Variants in BEX2 observed in about 807,000 individuals in gnomAD.
BEX2 encodes the protein brain expressed X-linked 2.
BEX2 carries 2 observed loss-of-function variants against 4.1 expected under a neutral mutation model. The ratio of observed to expected loss-of-function variants is 0.49; its 90% confidence interval spans 0.20 to 1.53. BEX2 has a LOEUF of 1.53. Among genes scored for constraint, BEX2 ranks in the 40% most tolerant of loss-of-function variants. The pLI, the probability that BEX2 is intolerant of heterozygous loss-of-function variation, is 0.23. For missense variants in BEX2, 94 were observed against 99.9 expected (o/e 0.94, Z 0.25); for synonymous variants, 34 against 35.9 (o/e 0.95, Z 0.19).
intron 1 of BEX2, 113 bp downstream of exon 1, chrX:103,310,747 G>C (rs931664144): frequency 1.5e-6 from 1 of 671,887 alleles, no homozygotes; most frequent in Non-Finnish European, 2.1e-6. Flanking sequence ...GCGGGGCCCC[G>C]GGGCTGCATC....
chrX:103,310,495 C>T (rs1377459617), intron 1 of BEX2, 62 bp from the exon 2 acceptor site: 1 of 1,148,013 alleles, frequency 8.7e-7, no homozygotes, highest in Admixed American at 2.6e-5. Flanking sequence ...AGAGGACCCG[C>T]CGCCACCCGG....
intron 1 of BEX2, 178 bp downstream of exon 1, chrX:103,310,682 C>T (rs1024390740): frequency 8.6e-5 from 93 of 1,079,586 alleles, no homozygotes; most frequent in African/African-American, 2.0e-4. Context: ...CTCAGGATCG[C>T]CGGCTCCCGC....
intron 2 of BEX2, among the ~76,000 whole-genome samples, 176 bp downstream of exon 2, chrX:103,310,182 G>A (rs771418812): frequency 3.2e-4 from 35 of 109,582 alleles, no homozygotes; most frequent in Non-Finnish European, 5.5e-4. Context: ...CTCCCGCAAA[G>A]CCCACCATCT....
At chrX:103,310,086 A>C in intron 2 of BEX2, 105 bp from the exon 3 acceptor site, 10 of 984,944 alleles carry the variant, frequency 1.0e-5, no homozygotes, top group Non-Finnish European at 1.4e-5. Context: ...TGGATTTCAA[A>C]GGCCTTTTTT....
Position 103,309,698 on chromosome X carries a change from T to C in BEX2, c.279A>G (p.Arg93=), listed in dbSNP as rs774294181. ...ENMERIGEEV[R]QLMEKLREKQ... ...TTTCCCTCAGCTTTTCCATCAGCTG[T>C]CTCACCTCCTCCCCAATCCTTTCCA... Residue 93 remains arginine (R), a synonymous_variant, in exon 3 of 3, where the codon AGA becomes AGG. Coordinates refer to ENST00000372677, the MANE Select transcript of BEX2 (RefSeq NM_032621.4). 1.7e-6 allele frequency: 2 copies of C among 1,211,249 alleles called. No individual in the cohort carries two copies. The highest frequency in any genetic ancestry group is 2.2e-6 in the Non-Finnish European group (2 of 895,380).
chrX:103,309,620 G>T lies in BEX2; in HGVS notation c.357C>A (p.Asp119Glu), dbSNP rs1287092113. Reference sequence around the variant, plus strand: ...GCATAAGGCAAAACTCATCGTGATGGTCATGGTGAGGGGGATCAGTGCTGA... The same window carrying T: ...GCATAAGGCAAAACTCATCGTGATGTTCATGGTGAGGGGGATCAGTGCTGA... ...RAVSTDPPHHDHHDEFCLMP is the reference protein window; with the variant it reads ...RAVSTDPPHHEHHDEFCLMP The change falls in exon 3 of 3, where the codon GAC (aspartate) becomes GAA (glutamate). Residue 119 changes from aspartate to glutamate, a missense_variant. By Grantham distance (45) the Asp-to-Glu change is conservative. Coordinates refer to ENST00000372677, the MANE Select transcript of BEX2 (RefSeq NM_032621.4). The T allele has an allele frequency of 1.7e-5, 21 of 1,211,296 alleles. No individual in the cohort carries two copies. The highest frequency in any genetic ancestry group is 2.3e-5 in the Non-Finnish European group (21 of 895,429).
In BEX2 at chrX:103,310,841, C is replaced by A; in HGVS notation, c.-82+19G>T. 1 of 359,858 alleles carries A rather than the reference C, an allele frequency of 2.8e-6. No homozygotes were observed. Among genetic ancestry groups the A allele is most frequent in the Admixed American group, 5.6e-5 (1 of 17,943 alleles). The allele number at this position is 359,858 out of a possible 1,213,427, so 29.7% of individuals were successfully genotyped here. A position where few individuals can be genotyped will look rare whatever the true frequency, so the allele number is the denominator to read the frequency against. On this transcript the variant is annotated intron_variant, in intron 1 of 2. Coordinates refer to ENST00000372677, the MANE Select transcript of BEX2 (RefSeq NM_032621.4). ...TGCTCCCCCACACCAACCCCAGGGA[C>A]CCCCTCCGGGTCCCTTACCTGCTCC...
intron 1 of BEX2, 70 bp downstream of exon 1, chrX:103,310,790 G>A: frequency 2.1e-6 from 1 of 466,718 alleles, no homozygotes; most frequent in Non-Finnish European, 3.4e-6. Context: ...CTGCTGCCCG[G>A]GGATGGGGCA....
At position 103,309,905 on chromosome X, in the gene BEX2, T is replaced by C. The variant is rs1926137685; in HGVS notation, c.72A>G (p.Lys24=). 8.3e-7 allele frequency: 1 copy of C among 1,210,868 alleles called. No individual in the cohort carries two copies. Among genetic ancestry groups the C allele is most frequent in the Non-Finnish European group, 1.1e-6 (1 of 895,165 alleles). The change falls in exon 3 of 3, where the codon AAA becomes AAG. Residue 24 remains lysine, a synonymous_variant. Transcript: ENST00000372677. ...VENVNQENDE[K]DEKEQVANKG... ...TATTAGCAACTTGCTCCTTTTCATC[T>C]TTTTCATCATTTTCCTGGTTGACAT...
At position 103,310,962 on chromosome X, in the gene BEX2, G is replaced by C; in HGVS notation, c.-184C>G. The C allele has an allele frequency of 5.4e-6, 1 of 185,931 alleles. No individual in the cohort carries two copies. The highest frequency in any genetic ancestry group is 9.5e-6 in the Non-Finnish European group (1 of 105,447). The allele number at this position is 185,931 out of a possible 1,213,427, so 15.3% of individuals were successfully genotyped here. A position where few individuals can be genotyped will look rare whatever the true frequency, so the allele number is the denominator to read the frequency against. On this transcript the variant is annotated 5_prime_UTR_variant, in exon 1 of 3. Transcript: ENST00000372677. Reference sequence around the variant, plus strand: ...TGCCGAGAAGGGAGCGAGCGACGGCGGTTCTGACGCCACAACGAGGTAAGA... The same window carrying C: ...TGCCGAGAAGGGAGCGAGCGACGGCCGTTCTGACGCCACAACGAGGTAAGA...
In BEX2 at chrX:103,309,714, A is replaced by G; in HGVS notation, c.263T>C (p.Ile88Thr). The G allele has an allele frequency of 1.7e-6, 2 of 1,210,391 alleles. No homozygotes were observed. Among genetic ancestry groups the G allele is most frequent in the Non-Finnish European group, 2.2e-6 (2 of 895,121 alleles). The change falls in exon 3 of 3, where the codon ATT becomes ACT. Residue 88 changes from isoleucine to threonine, a missense_variant. Ile to Thr is a moderately conservative substitution (Grantham distance 89). Coordinates refer to ENST00000372677, the MANE Select transcript of BEX2 (RefSeq NM_032621.4). Reference sequence around the variant, plus strand: ...CATCAGCTGTCTCACCTCCTCCCCAATCCTTTCCATATTCTCCTCTCTCAT... The same window carrying G: ...CATCAGCTGTCTCACCTCCTCCCCAGTCCTTTCCATATTCTCCTCTCTCAT... ...ARMREENMER[I>T]GEEVRQLMEK...
intron 1 of BEX2, 153 bp downstream of exon 1, chrX:103,310,707 C>T: frequency 3.1e-6 from 3 of 964,347 alleles, no homozygotes; most frequent in Non-Finnish European, 4.2e-6. Context: ...CCGGGCACCC[C>T]TCCGCTCACA....
chrX:103,310,556 C>T (rs1364068527), intron 1 of BEX2, 123 bp from the exon 2 acceptor site: 3 of 1,153,077 alleles, frequency 2.6e-6, no homozygotes, highest in Non-Finnish European at 3.4e-6. Context: ...CGCCCCCCGC[C>T]TCAGCCGCCC....
In BEX2 at chrX:103,310,416, A is replaced by G. The variant is rs1263088907; in HGVS notation, c.-64T>C. ...TCTCGACGTGAGGTGCGTCGCCGCA[A>G]CACTTGGCCCCGCAAACCTGCAGAC... On this transcript the variant is annotated 5_prime_UTR_variant, in exon 2 of 3. Coordinates refer to ENST00000372677, the MANE Select transcript of BEX2 (RefSeq NM_032621.4). 8.6e-7 allele frequency: 1 copy of G among 1,156,618 alleles called. No homozygotes were observed. The highest frequency in any genetic ancestry group is 1.9e-5 in the South Asian group (1 of 52,735).
intron 2 of BEX2, 102 bp from the exon 3 acceptor site, chrX:103,310,083 C>T (rs1926144485): frequency 2.0e-6 from 2 of 988,340 alleles, no homozygotes; most frequent in Non-Finnish European, 2.7e-6. Context: ...CCCTGGATTT[C>T]AAAGGCCTTT....
At chrX:103,310,251 TGGG>T in intron 2 of BEX2, 104 bp downstream of exon 2, 1 of 844,547 alleles carries the variant, frequency 1.2e-6, no homozygotes, top group Non-Finnish European at 1.6e-6. Context: ...GAAGAAGGGG[TGGG>T]GGTGGGGGAT....
intron 1 of BEX2, 137 bp from the exon 2 acceptor site, chrX:103,310,570 C>G (rs781199713): frequency 1.5e-5 from 17 of 1,154,137 alleles, no homozygotes; most frequent in Middle Eastern, 2.3e-4. Context: ...GCCGCCCAGC[C>G]CCCCAAGCTG....
At chrX:103,310,699 G>C (rs1023814076) in intron 1 of BEX2, 161 bp downstream of exon 1, 25 of 998,738 alleles carry the variant, frequency 2.5e-5, no homozygotes, top group Non-Finnish European at 3.1e-5. Context: ...CCGCGGGGCC[G>C]GGCACCCCTC....
chrX:103,309,669 T>C lies in BEX2; in HGVS notation c.308A>G (p.Gln103Arg). 1.7e-6 allele frequency: 2 copies of C among 1,211,464 alleles called. No homozygotes were observed. The highest frequency in any genetic ancestry group is 3.5e-5 in the South Asian group (2 of 56,958). ...GACTGCCCGCAAACTATGACTCAAC[T>C]GCTTTTCCCTCAGCTTTTCCATCAG... is the stretch of plus-strand genomic sequence containing the variant. ...RQLMEKLREK[Q>R]LSHSLRAVST... The change falls in exon 3 of 3, where the codon CAG (glutamine) becomes CGG (arginine). Residue 103 changes from glutamine to arginine, a missense_variant. Gln to Arg is a conservative substitution (Grantham distance 43). Transcript: ENST00000372677.
Sources: gnomAD v4.1 joint callset for allele counts (sites outside exome capture counted in the v4.1 genomes callset) on GRCh38, gnomAD v4.1.1 for gene constraint, MANE v1.5 for transcripts, NCBI Gene and HGNC (gene_info 2026-07-23, HGNC 2026-07-21) for gene names.